The following CACNA2D3 variants were observed in gnomAD, a reference collection of about 807,000 sequenced individuals.
CACNA2D3 encodes voltage-dependent calcium channel subunit alpha-2/delta-3.
A neutral mutation model predicts 160.6 loss-of-function variants in CACNA2D3; 60 were observed. The observed-to-expected ratio is 0.37, with a 90% CI of 0.30 to 0.46. The LOEUF is 0.46. CACNA2D3 is among the 20% of genes least tolerant of loss of function. The probability of loss-of-function intolerance (pLI) is 1.00; values close to 1 mark genes in which losing one functional copy is unlikely to be tolerated. For synonymous variants in CACNA2D3, 558 were observed against 492.9 expected (o/e 1.13, Z -1.75); for missense variants, 1,205 against 1,365.0 (o/e 0.88, Z 1.85).
Position 55,074,120 on chromosome 3 carries a change from G to A in CACNA2D3, c.3190G>A (p.Ala1064Thr), listed in dbSNP as rs1704891051. 1.2e-6 allele frequency: 2 copies of A among 1,613,376 alleles called. No individual in the cohort carries two copies. Among genetic ancestry groups the A allele is most frequent in the African/African-American group, 2.7e-5 (2 of 74,892 alleles). Residue 1064 changes from alanine (A) to threonine (T), a missense_variant, in exon 38 of 38, where the codon GCA (alanine) becomes ACA (threonine). Ala to Thr is a moderately conservative substitution (Grantham distance 58). This residue lies in a region of CACNA2D3 where 911 missense variants were observed against 1,002.2 expected (regional missense o/e 0.91). Coordinates refer to ENST00000474759, the MANE Select transcript of CACNA2D3 (RefSeq NM_018398.3). ...CCCCTGCCTTTCCCCATAGGAGAAT[G>A]CAAGGGAGTGTGGGGGTGCGCCGAG... Reference protein sequence around the residue: ...SCHGFHPEENARECGGAPSLQ... With the variant: ...SCHGFHPEENTRECGGAPSLQ...
At chr3:54,925,821 G>A (rs1390822664) in intron 27 of CACNA2D3, among the ~76,000 whole-genome samples, 1 of 152,162 alleles carries the variant, frequency 6.6e-6, no homozygotes, top group African/African-American at 2.4e-5. Flanking sequence ...GTGGCTAATG[G>A]TTACTGTATT....
At chr3:54,512,789 C>A (rs1701480186) in intron 5 of CACNA2D3, among the ~76,000 whole-genome samples, 1 of 152,182 alleles carries the variant, frequency 6.6e-6, no homozygotes, top group Non-Finnish European at 1.5e-5. Flanking sequence ...GGCTGTAGGG[C>A]TTCGTATTAG....
At position 54,235,768 on chromosome 3, in the gene CACNA2D3, G is replaced by A. The variant is rs1288201838; in HGVS notation, c.205-84674G>A. On this transcript the variant is annotated intron_variant, in intron 2 of 37. Coordinates refer to ENST00000474759, the MANE Select transcript of CACNA2D3 (RefSeq NM_018398.3). Reference sequence around the variant, plus strand: ...TACTCACAATATGTATAAATAGGGGGGCAGCAGACAAGGAATTGCAAATAA... The same window carrying A: ...TACTCACAATATGTATAAATAGGGGAGCAGCAGACAAGGAATTGCAAATAA... Among the ~76,000 whole-genome samples, 4 of 152,164 alleles carry A rather than the reference G, an allele frequency of 2.6e-5. No homozygotes were observed. The South Asian group carries it at 8.3e-4, about 32-fold the overall frequency.
At chr3:54,589,539 A>G (rs941583720) in intron 9 of CACNA2D3, among the ~76,000 whole-genome samples, 2 of 150,676 alleles carry the variant, frequency 1.3e-5, no homozygotes, top group Non-Finnish European at 3.0e-5. Flanking sequence ...ATTTGTTAAA[A>G]TGGATCTCAT....
rs558777001 is a variant in CACNA2D3 at position 55,072,377 on chromosome 3, A to G, written c.2988-1068A>G. On this transcript the variant is annotated intron_variant, in intron 35 of 37. Coordinates refer to ENST00000474759, the MANE Select transcript of CACNA2D3 (RefSeq NM_018398.3). ...TCAACATATGAGGTGGCAACAGGTT[A>G]AAAAAGGGGGAGTCCCTTTCCCTTC... Among the ~76,000 whole-genome samples, 3 of 152,330 alleles carry G rather than the reference A, an allele frequency of 2.0e-5. No homozygotes were observed. The South Asian group carries it at 6.2e-4, about 32-fold the overall frequency.
intron 31 of CACNA2D3, among the ~76,000 whole-genome samples, chr3:54,993,325 T>A (rs143099467): frequency 2.0e-4 from 30 of 152,342 alleles, no homozygotes; most frequent in African/African-American, 7.0e-4. Flanking sequence ...AGATTGCTAG[T>A]AAGACATGAA....
At chr3:54,802,896 A>G (rs1703026738) in intron 13 of CACNA2D3, among the ~76,000 whole-genome samples, 1 of 152,192 alleles carries the variant, frequency 6.6e-6, no homozygotes, top group Non-Finnish European at 1.5e-5. Flanking sequence ...AGCATTCGCG[A>G]TTCACGAAAG....
intron 9 of CACNA2D3, among the ~76,000 whole-genome samples, chr3:54,594,955 C>G (rs372703448): frequency 5.9e-5 from 9 of 152,200 alleles, no homozygotes; most frequent in Admixed American, 4.6e-4. Context: ...CAAATACTAT[C>G]CTATTATCTT....
chr3:54,311,869 A>G (rs1425839560), intron 2 of CACNA2D3, among the ~76,000 whole-genome samples: 4 of 152,310 alleles, frequency 2.6e-5, no homozygotes, highest in African/African-American at 7.2e-5. Flanking sequence ...TTGTATTGGC[A>G]TAGTCCCATC....
chr3:54,249,575 A>ACACACACG (rs1459287177), intron 2 of CACNA2D3, among the ~76,000 whole-genome samples: 2 of 149,550 alleles, frequency 1.3e-5, no homozygotes, highest in African/African-American at 5.0e-5. Context: ...ACACACACAC[A>ACACACACG]CACACACACA....
At chr3:54,479,987 T>A (rs919622240) in intron 4 of CACNA2D3, among the ~76,000 whole-genome samples, 4 of 152,152 alleles carry the variant, frequency 2.6e-5, no homozygotes, top group African/African-American at 7.2e-5. Context: ...TCTCAATCTT[T>A]AGCCAAAATA....
chr3:54,489,461 C>T (rs1701071748), intron 4 of CACNA2D3, among the ~76,000 whole-genome samples: 2 of 152,174 alleles, frequency 1.3e-5, no homozygotes, highest in South Asian at 4.1e-4. Context: ...ACTTTTTAGC[C>T]CACAAAAGGG....
At chr3:54,187,016 T>A (rs550497867) in intron 2 of CACNA2D3, among the ~76,000 whole-genome samples, 1 of 152,306 alleles carries the variant, frequency 6.6e-6, no homozygotes, top group Non-Finnish European at 1.5e-5. Context: ...TGTGACCACT[T>A]TTTCTGAGTC....
At chr3:54,190,243 G>A (rs952267554) in intron 2 of CACNA2D3, among the ~76,000 whole-genome samples, 3 of 152,290 alleles carry the variant, frequency 2.0e-5, no homozygotes, top group Admixed American at 6.5e-5. Context: ...CATGAATTTC[G>A]GGGGCACACA....
intron 2 of CACNA2D3, among the ~76,000 whole-genome samples, chr3:54,165,801 A>AAAC (rs939365517): frequency 3.3e-5 from 5 of 152,020 alleles, no homozygotes; most frequent in African/African-American, 1.2e-4. Context: ...CTGTCTCTAA[A>AAAC]AACAACAACA....
At chr3:54,786,438 C>G (rs755375293) in intron 13 of CACNA2D3, among the ~76,000 whole-genome samples, 2 of 152,064 alleles carry the variant, frequency 1.3e-5, no homozygotes, top group Non-Finnish European at 2.9e-5. Context: ...TAAGTACTGC[C>G]TCTTCTGGAG....
intron 13 of CACNA2D3, among the ~76,000 whole-genome samples, chr3:54,816,315 A>C (rs1363977098): frequency 3.9e-5 from 6 of 152,194 alleles, no homozygotes; most frequent in Non-Finnish European, 5.9e-5. Flanking sequence ...CAACTTTGGC[A>C]CTATGGATAT....
intron 35 of CACNA2D3, among the ~76,000 whole-genome samples, chr3:55,054,976 A>G (rs1430621187): frequency 6.6e-6 from 1 of 152,054 alleles, no homozygotes; most frequent in Non-Finnish European, 1.5e-5. Flanking sequence ...TTTCTCCTTT[A>G]TCATGTACAG....
At chr3:54,391,184 C>T (rs1278700956) in intron 4 of CACNA2D3, among the ~76,000 whole-genome samples, 3 of 152,118 alleles carry the variant, frequency 2.0e-5, no homozygotes, top group South Asian at 2.1e-4. Context: ...ATTTGCTTTT[C>T]GTTGGTAAAA....
Sources: gnomAD v4.1 joint callset for allele counts (sites outside exome capture counted in the v4.1 genomes callset) on GRCh38, gnomAD v4.1.1 for gene constraint, gnomAD v4.1.1 regional missense constraint, MANE v1.5 for transcripts, NCBI Gene and HGNC (gene_info 2026-07-23, HGNC 2026-07-21) for gene names.